DENND2A: variants seen among roughly 807,000 people sequenced by gnomAD.
DENND2A encodes the protein DENN domain containing 2A, also known as DENN domain-containing protein 2A.
A neutral mutation model predicts 105.3 loss-of-function variants in DENND2A; 53 were observed. That is an observed-to-expected ratio of 0.50 (90% CI 0.40 to 0.63). DENND2A has a LOEUF of 0.63. Among genes scored for constraint, DENND2A ranks in the 30% least tolerant of loss-of-function variants. The probability of loss-of-function intolerance (pLI) is 0.00; values close to 1 mark genes in which losing one functional copy is unlikely to be tolerated. For synonymous variants in DENND2A, 522 were observed against 508.4 expected (o/e 1.03, Z -0.36); for missense variants, 1,138 against 1,279.6 (o/e 0.89, Z 1.69).
intron 5 of DENND2A, among the ~76,000 whole-genome samples, chr7:140,577,812 A>G (rs1269622535): frequency 1.3e-5 from 2 of 152,350 alleles, no homozygotes; most frequent in Admixed American, 1.3e-4. Flanking sequence ...GATAATACGT[A>G]AATGAATGCA....
intron 12 of DENND2A, among the ~76,000 whole-genome samples, chr7:140,548,169 C>T (rs980481274): frequency 6.6e-6 from 1 of 151,988 alleles, no homozygotes; most frequent in Non-Finnish European, 1.5e-5. Flanking sequence ...CAAGTGTCCT[C>T]CTATGTCAGC....
intron 1 of DENND2A, among the ~76,000 whole-genome samples, chr7:140,626,572 CA>C (rs1161846832): frequency 6.6e-6 from 1 of 152,136 alleles, no homozygotes; most frequent in Non-Finnish European, 1.5e-5. Flanking sequence ...CTTCCTGGCA[CA>C]TCTCCCTCTC....
intron 7 of DENND2A, among the ~76,000 whole-genome samples, chr7:140,569,266 C>T (rs548358262): frequency 3.9e-5 from 6 of 152,294 alleles, no homozygotes; most frequent in African/African-American, 1.2e-4. Flanking sequence ...AACCACGTCT[C>T]GTCCAACTCG....
chr7:140,562,177 C>G (rs1034222365), intron 9 of DENND2A, among the ~76,000 whole-genome samples: 1 of 151,904 alleles, frequency 6.6e-6, no homozygotes, highest in Non-Finnish European at 1.5e-5. Flanking sequence ...CGTGAGCCAC[C>G]GCGCCCGGCC....
At chr7:140,565,804 T>G (rs1797812598) in intron 9 of DENND2A, among the ~76,000 whole-genome samples, 1 of 152,040 alleles carries the variant, frequency 6.6e-6, no homozygotes, top group Non-Finnish European at 1.5e-5. Flanking sequence ...AAGACCTTGC[T>G]GATAAAACAG....
rs186536764 is a variant in DENND2A, at chr7:140,549,795, C to T, written c.2038-2856G>A. The stretch of plus-strand genomic sequence containing the variant: ...ACTTGAATAGATATTTATTTGGACA[C>T]CTATGTTCCTAGCAGAATAATTCAC... On this transcript the variant is annotated intron_variant, in intron 12 of 19. Coordinates refer to ENST00000496613, the MANE Select transcript of DENND2A (RefSeq NM_015689.5). Among the ~76,000 whole-genome samples the T allele has an allele frequency of 1.0e-3, 158 of 152,220 alleles. 3 individuals are homozygous for T. Among genetic ancestry groups the T allele is most frequent in the African/African-American group, 3.4e-3 (140 of 41,528 alleles).
intron 5 of DENND2A, among the ~76,000 whole-genome samples, chr7:140,582,425 T>C (rs1798583724): frequency 6.6e-6 from 1 of 152,216 alleles, no homozygotes; most frequent in South Asian, 2.1e-4. Flanking sequence ...ATTTCCTAAA[T>C]GTTGAAGACA....
intron 3 of DENND2A, among the ~76,000 whole-genome samples, chr7:140,598,957 A>G (rs1799383321): frequency 1.3e-5 from 2 of 152,134 alleles, no homozygotes; most frequent in Non-Finnish European, 1.5e-5. Context: ...TGCATATGAC[A>G]TGATGTTATA....
chr7:140,580,267 T>C (rs768092891), intron 5 of DENND2A, among the ~76,000 whole-genome samples: 1 of 152,004 alleles, frequency 6.6e-6, no homozygotes, highest in East Asian at 1.9e-4. Context: ...ACAATTACAA[T>C]GTTTTCAGAA....
At chr7:140,563,477 A>G (rs1244182385) in intron 9 of DENND2A, among the ~76,000 whole-genome samples, 1 of 152,120 alleles carries the variant, frequency 6.6e-6, no homozygotes, top group Admixed American at 6.6e-5. Flanking sequence ...TTAATGGAAC[A>G]TTAGCATGCA....
chr7:140,620,349 T>TG (rs10708233), intron 1 of DENND2A, among the ~76,000 whole-genome samples: 1,385 of 100,170 alleles, frequency 0.014, 7 homozygotes, highest in African/African-American at 0.022. Context: ...TTAAAAGGGG[T>TG]GGGGGGGGGG....
chr7:140,544,779 A>G lies in DENND2A; in HGVS notation c.2179-13T>C. ...ACAGTTCGATCACCTGCCAGGGAAC[A>G]GGAGCAGCCATGAAGGAGGGGCCCA... On this transcript the variant is annotated splice_polypyrimidine_tract_variant and intron_variant, in intron 13 of 19. Coordinates refer to ENST00000496613, the MANE Select transcript of DENND2A (RefSeq NM_015689.5). 1.9e-6 allele frequency: 3 copies of G among 1,562,356 alleles called. No homozygotes were observed. Among genetic ancestry groups the G allele is most frequent in the Non-Finnish European group, 2.6e-6 (3 of 1,153,240 alleles).
chr7:140,557,531 ATTTTTTT>A (rs1156756617), intron 11 of DENND2A, among the ~76,000 whole-genome samples: 8 of 39,650 alleles, frequency 2.0e-4, no homozygotes, highest in African/African-American at 5.8e-4. Context: ...ATATATATAT[ATTTTTTT>A]TTTTTTTTTT....
intron 14 of DENND2A, chr7:140,544,340 G>C (rs530095735): frequency 1.9e-6 from 1 of 524,452 alleles, no homozygotes; most frequent in Non-Finnish European, 3.4e-6. Context: ...GATAACAAGC[G>C]TGGGCCACCA....
Position 140,625,412 on chromosome 7 carries a change from G to A in DENND2A, c.-248+15092C>T, listed in dbSNP as rs554169507. On this transcript the variant is annotated intron_variant, in intron 1 of 19. Transcript: ENST00000496613. ...AAAAAAGAACAGTCTGGGTGCTGTGGCTCATGCCTGTAATCCCGGCACTTT... is the reference window on the plus strand; with the variant it reads ...AAAAAAGAACAGTCTGGGTGCTGTGACTCATGCCTGTAATCCCGGCACTTT... Among the ~76,000 whole-genome samples the A allele has an allele frequency of 3.9e-5, 6 of 151,982 alleles. 2 individuals carry two copies. In the South Asian group the frequency reaches 1.2e-3, roughly 32 times the overall value.
chr7:140,638,567 C>T (rs1332127704), intron 1 of DENND2A, among the ~76,000 whole-genome samples: 2 of 152,332 alleles, frequency 1.3e-5, no homozygotes, highest in Non-Finnish European at 2.9e-5. Context: ...AGTGCATACT[C>T]CTGCCTCCTT....
chr7:140,536,143 A>G (rs1796448237), intron 14 of DENND2A, among the ~76,000 whole-genome samples: 1 of 151,952 alleles, frequency 6.6e-6, no homozygotes, highest in African/African-American at 2.4e-5. Flanking sequence ...ACTTGAGGTC[A>G]GGAGTTTGAG....
At chr7:140,596,567 G>C (rs1799291291) in intron 3 of DENND2A, among the ~76,000 whole-genome samples, 2 of 152,216 alleles carry the variant, frequency 1.3e-5, no homozygotes, top group South Asian at 4.1e-4. Flanking sequence ...ACAGCACAGT[G>C]TGATCTGGCA....
chr7:140,548,587 G>C (rs1489060014), intron 12 of DENND2A, among the ~76,000 whole-genome samples: 1 of 151,972 alleles, frequency 6.6e-6, no homozygotes, highest in Non-Finnish European at 1.5e-5. Context: ...AATATGGCTA[G>C]TCTGAATTCA....
Sources: gnomAD v4.1 joint callset for allele counts (sites outside exome capture counted in the v4.1 genomes callset) on GRCh38, gnomAD v4.1.1 for gene constraint, MANE v1.5 for transcripts, NCBI Gene and HGNC (gene_info 2026-07-23, HGNC 2026-07-21) for gene names.